Variants in MYO1H observed in about 807,000 individuals in gnomAD.
The protein encoded by MYO1H is myosin IH.
In MYO1H, 118 loss-of-function variants were observed where a neutral mutation model predicts 149.3. The ratio of observed to expected loss-of-function variants is 0.79; its 90% CI spans 0.68 to 0.92. The LOEUF (loss-of-function observed/expected upper bound fraction) is 0.92. Among genes scored for constraint, MYO1H ranks in the 40% least tolerant of loss-of-function variants. The pLI is 0.00. For synonymous variants in MYO1H, 447 were observed against 465.2 expected (o/e 0.96, Z 0.50); for missense variants, 1,212 against 1,280.7 (o/e 0.95, Z 0.82).
chr12:109,349,876 G>A (rs573285284), intron 1 of MYO1H, among the ~76,000 whole-genome samples: 1 of 151,058 alleles, frequency 6.6e-6, no homozygotes, highest in Non-Finnish European at 1.5e-5. Context: ...CAGGAGAATG[G>A]CGTGAACCCG....
At chr12:109,445,604 T>C (rs745929606) in exon 31 of MYO1H, 13 of 1,611,868 alleles carry the variant, frequency 8.1e-6, no homozygotes, top group Non-Finnish European at 1.1e-5. Flanking sequence ...AAATGGACAA[T>C]TAACAGTGGT....
At chr12:109,373,110 G>A (rs1013475567) in intron 1 of MYO1H, among the ~76,000 whole-genome samples, 1 of 151,906 alleles carries the variant, frequency 6.6e-6, no homozygotes, top group African/African-American at 2.4e-5. Context: ...TTTGTATATG[G>A]CCTGAATTTA....
chr12:109,391,034 G>A (rs1869630347), intron 2 of MYO1H, among the ~76,000 whole-genome samples: 1 of 152,138 alleles, frequency 6.6e-6, no homozygotes, highest in Non-Finnish European at 1.5e-5. Context: ...TCTTAAAGTT[G>A]TCCATTCATG....
At chr12:109,389,816 T>C (rs1303139878) in intron 2 of MYO1H, among the ~76,000 whole-genome samples, 2 of 152,176 alleles carry the variant, frequency 1.3e-5, no homozygotes, top group Non-Finnish European at 2.9e-5. Flanking sequence ...AAAATAATTG[T>C]CTTATAGCTA....
chr12:109,431,656 T>C (rs1014652787), intron 19 of MYO1H, among the ~76,000 whole-genome samples: 1 of 152,234 alleles, frequency 6.6e-6, no homozygotes, highest in African/African-American at 2.4e-5. Flanking sequence ...TTGATCCATC[T>C]GCACTTCTGA....
At chr12:109,341,843 A>G in the MYO1H span, among the ~76,000 whole-genome samples, 6 of 152,226 alleles carry the variant, frequency 3.9e-5, no homozygotes, top group South Asian at 1.0e-3. Context: ...GATTTCTTAC[A>G]AGTGTGATGT....
At position 109,424,051 on chromosome 12, in the gene MYO1H, C is replaced by T. The variant is rs78009080; in HGVS notation, c.1645-697C>T. Among the ~76,000 whole-genome samples the T allele has an allele frequency of 1.1e-3, 168 of 152,294 alleles. 3 individuals are homozygous for T. The East Asian group carries it at 0.028, about 25-fold the overall frequency. On this transcript the variant is annotated intron_variant, in intron 16 of 31. Coordinates refer to ENST00000310903, the Ensembl canonical transcript of MYO1H. ...CCTTCCAGGGACCACACAGGATGTG[C>T]GTATGTGTATCTCTTTCTTTCTTTT... is the stretch of plus-strand genomic sequence containing the variant.
At chr12:109,354,233 C>T (rs570520871) in intron 1 of MYO1H, 2 of 152,252 alleles carry the variant, frequency 1.3e-5, no homozygotes, top group Non-Finnish European at 2.9e-5. Context: ...ATATTTGTCA[C>T]ACAAGGGGTG....
At chr12:109,406,678 G>A in intron 8 of MYO1H, 111 bp from the exon 9 acceptor site, 1 of 963,150 alleles carries the variant, frequency 1.0e-6, no homozygotes, top group African/African-American at 1.6e-5. Flanking sequence ...CTATGATTGT[G>A]CCACCACATT....
chr12:109,341,689 G>C, the MYO1H span, among the ~76,000 whole-genome samples: 6 of 152,156 alleles, frequency 3.9e-5, no homozygotes, highest in Admixed American at 2.6e-4. Flanking sequence ...GTGCATATTT[G>C]GGCTACTCTA....
the MYO1H span, among the ~76,000 whole-genome samples, chr12:109,333,886 A>G: frequency 6.6e-6 from 1 of 152,122 alleles, no homozygotes; most frequent in African/African-American, 2.4e-5. Context: ...GAACCCTCCT[A>G]CCAACCCAGG....
intron 14 of MYO1H, among the ~76,000 whole-genome samples, chr12:109,413,006 C>G (rs1870744488): frequency 6.7e-6 from 1 of 149,618 alleles, no homozygotes; most frequent in Non-Finnish European, 1.5e-5. Context: ...GAGACAGAGT[C>G]TTGCTCTGTT....
At chr12:109,334,368 G>T in the MYO1H span, among the ~76,000 whole-genome samples, 5 of 152,028 alleles carry the variant, frequency 3.3e-5, no homozygotes, top group East Asian at 9.6e-4. Flanking sequence ...ATTGACAGGG[G>T]TCTTGCTATG....
chr12:109,323,774 T>C, the MYO1H span, among the ~76,000 whole-genome samples: 1 of 152,192 alleles, frequency 6.6e-6, no homozygotes, highest in African/African-American at 2.4e-5. Flanking sequence ...GTTAAGAACG[T>C]CTATTCCTTA....
At chr12:109,353,185 C>T (rs1379434529) in intron 1 of MYO1H, among the ~76,000 whole-genome samples, 1 of 151,998 alleles carries the variant, frequency 6.6e-6, no homozygotes, top group African/African-American at 2.4e-5. Context: ...CACCTGAGGT[C>T]AGGAGTTTGA....
the MYO1H span, among the ~76,000 whole-genome samples, chr12:109,332,623 G>A: frequency 2.6e-3 from 390 of 152,256 alleles, 1 homozygote; most frequent in Middle Eastern, 6.8e-3. Context: ...TGTTGCCCAC[G>A]CTGGAGTGCA....
the MYO1H span, among the ~76,000 whole-genome samples, chr12:109,331,174 G>A: frequency 1.3e-5 from 2 of 152,154 alleles, no homozygotes; most frequent in Non-Finnish European, 2.9e-5. Flanking sequence ...GCTAAAATCA[G>A]TCAGCACCTG....
intron 16 of MYO1H, among the ~76,000 whole-genome samples, chr12:109,422,176 CA>C (rs1871201245): frequency 6.6e-6 from 1 of 152,146 alleles, no homozygotes; most frequent in Non-Finnish European, 1.5e-5. Flanking sequence ...CTGTTTTGTG[CA>C]AAATTAGATT....
chr12:109,420,910 A>G (rs535158858), intron 15 of MYO1H, 71 bp from the exon 16 acceptor site: 265 of 810,532 alleles, frequency 3.3e-4, no homozygotes, highest in Non-Finnish European at 4.7e-4. Context: ...TCCCTTTGCA[A>G]TGAGTTGGGA....
Sources: gnomAD v4.1 joint callset for allele counts (sites outside exome capture counted in the v4.1 genomes callset) on GRCh38, gnomAD v4.1.1 for gene constraint, MANE v1.5 for transcripts, NCBI Gene and HGNC (gene_info 2026-07-23, HGNC 2026-07-21) for gene names.